The following LRP1B variants were observed in gnomAD, a reference collection of about 807,000 sequenced individuals.
The protein encoded by LRP1B is low-density lipoprotein receptor-related protein 1B.
A neutral mutation model predicts 556.6 loss-of-function variants in LRP1B; 217 were observed. The observed-to-expected ratio is 0.39, with a 90% CI of 0.35 to 0.44. LRP1B has a LOEUF of 0.44. Ranked by LOEUF, LRP1B falls within the 20% of genes least tolerant of loss-of-function variation. The probability of loss-of-function intolerance (pLI) is 1.00; values close to 1 mark genes in which losing one functional copy is unlikely to be tolerated. For synonymous variants in LRP1B, 2,047 were observed against 1,865.8 expected (o/e 1.10, Z -2.50); for missense variants, 5,053 against 5,620.8 (o/e 0.90, Z 3.23).
chr2:142,069,058 C>T (rs192834209), intron 1 of LRP1B, among the ~76,000 whole-genome samples: 1 of 151,440 alleles, frequency 6.6e-6, no homozygotes, highest in East Asian at 2.0e-4. Context: ...TTTTCTCCCT[C>T]CACCCTTCTC....
At chr2:140,435,976 C>G (rs1314309770) in intron 66 of LRP1B, among the ~76,000 whole-genome samples, 1 of 151,422 alleles carries the variant, frequency 6.6e-6, no homozygotes, top group Non-Finnish European at 1.5e-5. Context: ...CTTCCTTTCT[C>G]TCTCTCTCTC....
chr2:141,160,815 A>G (rs1207093700), intron 7 of LRP1B, among the ~76,000 whole-genome samples: 1 of 150,266 alleles, frequency 6.7e-6, no homozygotes, highest in African/African-American at 2.5e-5. Context: ...GACATGTTCA[A>G]TATCTTTATT....
intron 1 of LRP1B, among the ~76,000 whole-genome samples, chr2:142,032,936 C>T (rs910167473): frequency 4.0e-5 from 6 of 151,862 alleles, no homozygotes; most frequent in African/African-American, 1.4e-4. Context: ...CTATCATTCT[C>T]CTTCCTTGAG....
chr2:141,786,216 C>T (rs1695427005), intron 2 of LRP1B, among the ~76,000 whole-genome samples: 1 of 151,928 alleles, frequency 6.6e-6, no homozygotes, highest in Admixed American at 6.6e-5. Context: ...TTTAATTAAA[C>T]ACATCTTATT....
At chr2:140,867,991 C>A in intron 26 of LRP1B, 108 bp downstream of exon 26, 2 of 1,312,156 alleles carry the variant, frequency 1.5e-6, no homozygotes, top group South Asian at 1.7e-5. Context: ...AATACACCTC[C>A]AATTTTAATA....
At chr2:140,955,763 T>C (rs1427976629) in intron 18 of LRP1B, among the ~76,000 whole-genome samples, 2 of 151,672 alleles carry the variant, frequency 1.3e-5, no homozygotes, top group Admixed American at 6.6e-5. Flanking sequence ...GGTATGGTAC[T>C]TATATTTAAC....
intron 90 of LRP1B, among the ~76,000 whole-genome samples, chr2:140,234,411 C>G (rs552071916): frequency 6.6e-6 from 1 of 151,064 alleles, no homozygotes; most frequent in Non-Finnish European, 1.5e-5. Context: ...TTTAACTGCA[C>G]GTCAAATTTG....
chr2:141,111,835 G>A (rs1451322249), intron 7 of LRP1B, among the ~76,000 whole-genome samples: 1 of 152,010 alleles, frequency 6.6e-6, no homozygotes, highest in Non-Finnish European at 1.5e-5. Context: ...CGGATCACAA[G>A]GAGATCGAGA....
At chr2:141,038,372 G>A (rs1698598471) in intron 11 of LRP1B, among the ~76,000 whole-genome samples, 1 of 94,024 alleles carries the variant, frequency 1.1e-5, no homozygotes, top group African/African-American at 2.9e-5. Context: ...TAAAATGACT[G>A]ACAGTTCTGT....
At chr2:141,145,578 G>A (rs1412703508) in intron 7 of LRP1B, among the ~76,000 whole-genome samples, 1 of 150,442 alleles carries the variant, frequency 6.6e-6, no homozygotes, top group Non-Finnish European at 1.5e-5. Context: ...TTGTTGCCCA[G>A]GCTGGAGTAC....
At chr2:141,901,175 CTT>C (rs1699608381) in intron 1 of LRP1B, among the ~76,000 whole-genome samples, 1 of 151,948 alleles carries the variant, frequency 6.6e-6, no homozygotes. Flanking sequence ...TTTTCTTTCT[CTT>C]TTTTCCCTCA....
At chr2:141,597,569 T>C (rs1687569774) in intron 2 of LRP1B, among the ~76,000 whole-genome samples, 1 of 152,104 alleles carries the variant, frequency 6.6e-6, no homozygotes, top group African/African-American at 2.4e-5. Context: ...AAGTTGTGTG[T>C]TTTTGCCCAG....
At chr2:141,558,676 G>A (rs1322509294) in intron 2 of LRP1B, among the ~76,000 whole-genome samples, 1 of 151,786 alleles carries the variant, frequency 6.6e-6, no homozygotes, top group East Asian at 1.9e-4. Context: ...ATACAAGTAA[G>A]AAGTAATTCA....
At chr2:141,929,496 C>A (rs1327452882) in intron 1 of LRP1B, among the ~76,000 whole-genome samples, 1 of 151,816 alleles carries the variant, frequency 6.6e-6, no homozygotes, top group East Asian at 1.9e-4. Context: ...AAGACAGAAG[C>A]ACAACCACAA....
intron 1 of LRP1B, among the ~76,000 whole-genome samples, chr2:141,897,567 G>A (rs921710240): frequency 6.6e-6 from 1 of 152,036 alleles, no homozygotes; most frequent in Non-Finnish European, 1.5e-5. Context: ...CTCTGTATTA[G>A]CCCACAAAGG....
At chr2:141,649,222 G>A (rs2105376272) in intron 2 of LRP1B, among the ~76,000 whole-genome samples, 1 of 152,280 alleles carries the variant, frequency 6.6e-6, no homozygotes, top group East Asian at 1.9e-4. Flanking sequence ...AGCCTGGTAA[G>A]ATAAGGACAG....
intron 66 of LRP1B, among the ~76,000 whole-genome samples, chr2:140,438,984 A>C (rs1178255982): frequency 6.6e-6 from 1 of 152,238 alleles, no homozygotes; most frequent in African/African-American, 2.4e-5. Context: ...TCAGAGAACT[A>C]AGAATCTAAA....
At chr2:141,473,710 G>A (rs911927848) in intron 3 of LRP1B, among the ~76,000 whole-genome samples, 6 of 151,964 alleles carry the variant, frequency 3.9e-5, no homozygotes, top group African/African-American at 1.5e-4. Context: ...TTTCTTAGCT[G>A]TAGACTTATT....
chr2:141,100,690 C>A (rs888193116), intron 7 of LRP1B, among the ~76,000 whole-genome samples: 5 of 152,114 alleles, frequency 3.3e-5, no homozygotes, highest in African/African-American at 1.2e-4. Flanking sequence ...AACTGGAAAC[C>A]TGTAGGTCCA....
Sources: gnomAD v4.1 joint callset for allele counts (sites outside exome capture counted in the v4.1 genomes callset) on GRCh38, gnomAD v4.1.1 for gene constraint, MANE v1.5 for transcripts, NCBI Gene and HGNC (gene_info 2026-07-23, HGNC 2026-07-21) for gene names.